Variants in GRM8 observed in about 807,000 individuals in gnomAD.
The protein encoded by GRM8 is metabotropic glutamate receptor 8.
Under a neutral mutation model 87.2 loss-of-function variants are expected in GRM8, and 47 were observed. That is an observed-to-expected ratio of 0.54 (90% CI 0.43 to 0.69). The LOEUF (loss-of-function observed/expected upper bound fraction) is 0.69. GRM8 is among the 30% of genes least tolerant of loss of function. The probability of loss-of-function intolerance (pLI) is 0.00; values close to 1 mark genes in which losing one functional copy is unlikely to be tolerated. For missense variants in GRM8, 1,019 were observed against 1,139.2 expected, an observed-to-expected ratio of 0.89 and a Z score of 1.52; for synonymous variants, 396 against 404.5, an observed-to-expected ratio of 0.98 and a Z score of 0.25.
chr7:127,210,442 T>C (rs1405996049), intron 2 of GRM8, among the ~76,000 whole-genome samples: 2 of 152,178 alleles, frequency 1.3e-5, no homozygotes, highest in South Asian at 2.1e-4. Context: ...CACCAAACAA[T>C]GGAGCAGTGG....
At chr7:126,996,834 C>T (rs1376262109) in intron 3 of GRM8, among the ~76,000 whole-genome samples, 9 of 151,872 alleles carry the variant, frequency 5.9e-5, no homozygotes, top group Non-Finnish European at 8.8e-5. Context: ...GACCTCAGTA[C>T]AATAGTAGCT....
intron 6 of GRM8, among the ~76,000 whole-genome samples, chr7:126,851,959 G>A (rs1464577066): frequency 6.6e-6 from 1 of 152,116 alleles, no homozygotes; most frequent in East Asian, 1.9e-4. Context: ...GTACGTATTT[G>A]TTGCTCGAGT....
At chr7:127,114,860 G>C (rs139849373) in intron 2 of GRM8, among the ~76,000 whole-genome samples, 1 of 152,126 alleles carries the variant, frequency 6.6e-6, no homozygotes, top group Non-Finnish European at 1.5e-5. Flanking sequence ...GAGTCATAGA[G>C]GGAAAGAAAA....
intron 7 of GRM8, among the ~76,000 whole-genome samples, chr7:126,689,765 T>C (rs765936374): frequency 1.3e-5 from 2 of 152,246 alleles, no homozygotes; most frequent in African/African-American, 2.4e-5. Context: ...ATTATGTTTA[T>C]ATATACATAT....
intron 9 of GRM8, among the ~76,000 whole-genome samples, chr7:126,487,571 T>C (rs998434692): frequency 6.6e-5 from 10 of 152,068 alleles, no homozygotes; most frequent in Non-Finnish European, 1.2e-4. Context: ...CCCTATACTA[T>C]TATATTAAAA....
Position 126,904,091 on chromosome 7 carries a change from C to G in GRM8, c.899G>C (p.Ser300Thr), listed in dbSNP as rs140773079. Reference sequence around the variant, plus strand: ...TGAGCCAATCCAGAGAAAATGCCCACTTTGGTTTAGTTTTTTTGCTGCTTC... The same window carrying G: ...TGAGCCAATCCAGAGAAAATGCCCAGTTTGGTTTAGTTTTTTTGCTGCTTC... ...ILEAAKKLNQ[S>T]GHFLWIGSDS... Residue 300 changes from serine to threonine, a missense_variant, in exon 5 of 11, where the codon AGT (serine) becomes ACT (threonine). Physicochemically the swap from Ser to Thr is moderately conservative, Grantham distance 58. Coordinates refer to ENST00000339582, the MANE Select transcript of GRM8 (RefSeq NM_000845.3). 9 of 1,612,210 alleles carry G rather than the reference C, an allele frequency of 5.6e-6. No homozygotes were observed. In the Admixed American group the frequency reaches 1.0e-4, roughly 18 times the overall value.
intron 6 of GRM8, among the ~76,000 whole-genome samples, chr7:126,777,302 T>C (rs1819586062): frequency 6.6e-6 from 1 of 152,148 alleles, no homozygotes; most frequent in Non-Finnish European, 1.5e-5. Context: ...ATCCCTTTAA[T>C]TCTAAATTAT....
At chr7:126,519,403 G>A (rs919755832) in intron 9 of GRM8, among the ~76,000 whole-genome samples, 7 of 151,826 alleles carry the variant, frequency 4.6e-5, no homozygotes, top group African/African-American at 1.7e-4. Context: ...AATAAAGTTT[G>A]GAAAGTTTGG....
intron 7 of GRM8, among the ~76,000 whole-genome samples, chr7:126,766,054 G>C (rs1818159411): frequency 6.6e-6 from 1 of 151,968 alleles, no homozygotes; most frequent in Non-Finnish European, 1.5e-5. Flanking sequence ...AATAATTCTG[G>C]CCTGAAATAC....
intron 2 of GRM8, among the ~76,000 whole-genome samples, chr7:127,124,941 C>A (rs1373271841): frequency 2.0e-5 from 3 of 152,038 alleles, no homozygotes; most frequent in African/African-American, 7.2e-5. Flanking sequence ...CATCCATTCA[C>A]AAAATAGATA....
chr7:126,850,116 A>G (rs932978119), intron 6 of GRM8, among the ~76,000 whole-genome samples: 6 of 152,084 alleles, frequency 3.9e-5, no homozygotes, highest in Admixed American at 3.9e-4. Flanking sequence ...CATCAATCAT[A>G]ATTTCCACCA....
In GRM8 at chr7:126,778,841, C is replaced by T. The variant is rs368670296; in HGVS notation, c.1157-8776G>A. On this transcript the variant is annotated intron_variant, in intron 6 of 10. Coordinates refer to ENST00000339582, the MANE Select transcript of GRM8 (RefSeq NM_000845.3). ...AGGATTTACCTTTTAAAAATACAGT[C>T]TATTTTTTAAATTACAAAAGTAATA... Among the ~76,000 whole-genome samples the T allele has an allele frequency of 5.3e-5, 8 of 151,698 alleles. No homozygotes were observed. In the East Asian group the frequency reaches 1.4e-3, roughly 26 times the overall value.
intron 8 of GRM8, among the ~76,000 whole-genome samples, chr7:126,567,583 T>C (rs1435574513): frequency 6.6e-6 from 1 of 152,132 alleles, no homozygotes; most frequent in African/African-American, 2.4e-5. Flanking sequence ...GTAGATTTCA[T>C]GTTAAGTGTT....
At chr7:126,548,107 A>C (rs1817364955) in intron 8 of GRM8, among the ~76,000 whole-genome samples, 1 of 151,900 alleles carries the variant, frequency 6.6e-6, no homozygotes, top group Non-Finnish European at 1.5e-5. Context: ...TCTAAATTGG[A>C]GAAGCCGGAG....
intron 8 of GRM8, among the ~76,000 whole-genome samples, chr7:126,568,826 T>C (rs1794456595): frequency 6.6e-6 from 1 of 152,098 alleles, no homozygotes; most frequent in African/African-American, 2.4e-5. Flanking sequence ...ATTGTGACAA[T>C]TGTTTGTAGC....
chr7:126,895,362 C>T (rs895663230), intron 6 of GRM8, among the ~76,000 whole-genome samples: 1 of 152,020 alleles, frequency 6.6e-6, no homozygotes, highest in Non-Finnish European at 1.5e-5. Flanking sequence ...CAAACTAACT[C>T]TAATATTCTC....
intron 6 of GRM8, among the ~76,000 whole-genome samples, chr7:126,861,769 T>C (rs1798157875): frequency 2.6e-5 from 4 of 152,052 alleles, no homozygotes; most frequent in Admixed American, 2.6e-4. Context: ...TCTTACTAAT[T>C]CGTTGGAGTT....
intron 7 of GRM8, among the ~76,000 whole-genome samples, chr7:126,745,582 G>T (rs1019040548): frequency 6.6e-6 from 1 of 151,236 alleles, no homozygotes; most frequent in African/African-American, 2.4e-5. Flanking sequence ...GTATTACCTT[G>T]TACTTTGCTT....
chr7:127,205,121 G>T (rs547943006), intron 2 of GRM8, among the ~76,000 whole-genome samples: 1 of 152,186 alleles, frequency 6.6e-6, no homozygotes, highest in South Asian at 2.1e-4. Flanking sequence ...TCTATTTTAC[G>T]TGGTACTCTT....
Sources: gnomAD v4.1 joint callset for allele counts (sites outside exome capture counted in the v4.1 genomes callset) on GRCh38, gnomAD v4.1.1 for gene constraint, MANE v1.5 for transcripts, NCBI Gene and HGNC (gene_info 2026-07-23, HGNC 2026-07-21) for gene names.